TYW1: variants seen among roughly 807,000 people sequenced by gnomAD.
The protein encoded by TYW1 is S-adenosyl-L-methionine-dependent tRNA 4-demethylwyosine synthase TYW1.
In TYW1, 46 loss-of-function variants were observed where a neutral mutation model predicts 96.2. That is an observed-to-expected ratio of 0.48 (90% CI 0.38 to 0.61). The LOEUF (loss-of-function observed/expected upper bound fraction) is 0.61. Among genes scored for constraint, TYW1 ranks in the 20% least tolerant of loss-of-function variants. The pLI, the probability that TYW1 is intolerant of heterozygous loss-of-function variation, is 0.00. For synonymous variants in TYW1, 274 were observed against 323.0 expected, an observed-to-expected ratio of 0.85 and a Z score of 1.63; for missense variants, 684 against 909.6, an observed-to-expected ratio of 0.75 and a Z score of 3.19.
chr7:67,013,825 G>C (rs1793907128), intron 4 of TYW1, among the ~76,000 whole-genome samples: 1 of 140,390 alleles, frequency 7.1e-6, no homozygotes, highest in Non-Finnish European at 1.5e-5. Context: ...CTCGCTGCAA[G>C]CTCTGCCTCC....
chr7:67,056,052 C>A (rs1342268258), intron 9 of TYW1, among the ~76,000 whole-genome samples, 165 bp downstream of exon 9: 1 of 152,138 alleles, frequency 6.6e-6, no homozygotes, highest in East Asian at 1.9e-4. Context: ...TGATGTAGAA[C>A]CTATATTCAC....
chr7:67,017,791 G>A lies in TYW1; in HGVS notation c.571-62G>A. 6 of 1,550,914 alleles carry A rather than the reference G, an allele frequency of 3.9e-6. No individual in the cohort carries two copies. In the South Asian group the frequency reaches 7.4e-5, roughly 19 times the overall value. ...CGGAAGGACTTTGGGCTTTTGCAGA[G>A]CAGTCTGGAAAACCCTGATTTAGAG... On this transcript the variant is annotated intron_variant, in intron 5 of 15. Transcript: ENST00000359626.
At chr7:67,220,193 A>T (rs1464343734) in intron 15 of TYW1, among the ~76,000 whole-genome samples, 2 of 116,234 alleles carry the variant, frequency 1.7e-5, no homozygotes, top group Admixed American at 9.2e-5. Flanking sequence ...AGTTTCATTC[A>T]TTTATTGATT....
intron 7 of TYW1, among the ~76,000 whole-genome samples, chr7:67,038,418 C>T (rs1338562265): frequency 6.6e-6 from 1 of 152,020 alleles, no homozygotes; most frequent in Non-Finnish European, 1.5e-5. Context: ...CCAGCCTGGG[C>T]AACATAGTGA....
intron 15 of TYW1, among the ~76,000 whole-genome samples, chr7:67,195,872 C>T (rs1800378922): frequency 6.8e-6 from 1 of 147,332 alleles, no homozygotes; most frequent in Non-Finnish European, 1.5e-5. Flanking sequence ...TAACTCCTAG[C>T]AAAGGAAAAA....
intron 6 of TYW1, among the ~76,000 whole-genome samples, chr7:67,022,395 G>T (rs542120264): frequency 6.6e-6 from 1 of 152,234 alleles, no homozygotes; most frequent in South Asian, 2.1e-4. Context: ...CTGACTTCTT[G>T]TCCAGGATAA....
At chr7:67,031,839 C>G (rs2129250810) in intron 7 of TYW1, among the ~76,000 whole-genome samples, 1 of 150,550 alleles carries the variant, frequency 6.6e-6, no homozygotes, top group South Asian at 2.1e-4. Context: ...TGATTCCCAC[C>G]TACACCAACC....
At chr7:67,045,358 A>G (rs1795155990) in intron 7 of TYW1, among the ~76,000 whole-genome samples, 2 of 151,434 alleles carry the variant, frequency 1.3e-5, no homozygotes, top group South Asian at 2.1e-4. Flanking sequence ...TGACAGGCAC[A>G]TGCCACCACA....
chr7:67,137,523 A>G (rs1376135733), intron 13 of TYW1, among the ~76,000 whole-genome samples: 1 of 152,230 alleles, frequency 6.6e-6, no homozygotes, highest in African/African-American at 2.4e-5. Flanking sequence ...ATTGTATTTG[A>G]CAGCCTACCT....
chr7:67,107,337 G>T (rs1040188621), intron 12 of TYW1, among the ~76,000 whole-genome samples: 1 of 152,094 alleles, frequency 6.6e-6, no homozygotes, highest in African/African-American at 2.4e-5. Context: ...CCGACCCCCA[G>T]CCTATCTTGT....
chr7:67,083,253 T>C (rs1317006126), intron 10 of TYW1, among the ~76,000 whole-genome samples, 177 bp from the exon 11 acceptor site: 1 of 152,322 alleles, frequency 6.6e-6, no homozygotes, highest in East Asian at 1.9e-4. Flanking sequence ...TATTCACCCC[T>C]CTCTGTTGGG....
In TYW1 at chr7:67,058,884, A is replaced by G. The variant is rs1413069218; in HGVS notation, c.1155+2997A>G. ...ATTTATCCCACCTCTGCCAATATGG[A>G]TATCCAGTTGTTTTGGCACCATTTG... On this transcript the variant is annotated intron_variant, in intron 9 of 15. Transcript: ENST00000359626. 2.0e-5 allele frequency among the ~76,000 whole-genome samples: 3 copies of G among 152,064 alleles called. 1 individual carries two copies. The South Asian group carries it at 6.2e-4, about 31-fold the overall frequency.
At chr7:67,027,476 T>A (rs1794488607) in intron 7 of TYW1, among the ~76,000 whole-genome samples, 1 of 152,122 alleles carries the variant, frequency 6.6e-6, no homozygotes, top group Admixed American at 6.6e-5. Flanking sequence ...TTCTGTATGA[T>A]TCAAAATCTA....
chr7:67,198,253 A>G (rs1348936138), intron 15 of TYW1, among the ~76,000 whole-genome samples: 2 of 152,148 alleles, frequency 1.3e-5, no homozygotes, highest in Non-Finnish European at 2.9e-5. Flanking sequence ...CTTTGTTTAT[A>G]AAGAAAATGT....
chr7:67,226,668 T>C (rs1035806148), intron 15 of TYW1, among the ~76,000 whole-genome samples: 1 of 152,172 alleles, frequency 6.6e-6, no homozygotes, highest in African/African-American at 2.4e-5. Flanking sequence ...GCTGGCTCTG[T>C]GTGAATTACT....
chr7:67,067,492 G>A (rs1431347012), intron 10 of TYW1, 89 bp downstream of exon 10: 1 of 1,420,868 alleles, frequency 7.0e-7, no homozygotes, highest in African/African-American at 1.4e-5. Context: ...TTACCTAAGA[G>A]CTCTGCTGTC....
At chr7:67,011,926 C>T (rs371650254) in intron 4 of TYW1, among the ~76,000 whole-genome samples, 4 of 151,458 alleles carry the variant, frequency 2.6e-5, no homozygotes, top group South Asian at 4.2e-4. Flanking sequence ...CAAACTTTCA[C>T]GTGAAGGGCC....
intron 7 of TYW1, among the ~76,000 whole-genome samples, chr7:67,033,105 C>T (rs1014798689): frequency 4.6e-5 from 7 of 151,792 alleles, no homozygotes; most frequent in African/African-American, 1.5e-4. Context: ...CCATATTGGC[C>T]AGGCTGGTCT....
intron 15 of TYW1, among the ~76,000 whole-genome samples, chr7:67,207,209 C>T (rs6951468): frequency 0.27 from 40,786 of 152,108 alleles, 5,827 homozygotes; most frequent in African/African-American, 0.36. Context: ...AGGACCGTTA[C>T]TCCCAGTACT....
Sources: gnomAD v4.1 joint callset for allele counts (sites outside exome capture counted in the v4.1 genomes callset) on GRCh38, gnomAD v4.1.1 for gene constraint, MANE v1.5 for transcripts, NCBI Gene and HGNC (gene_info 2026-07-23, HGNC 2026-07-21) for gene names.